The following SETX variants were observed in gnomAD, a reference collection of about 807,000 sequenced individuals.
SETX encodes senataxin.
Under a neutral mutation model 227.2 loss-of-function variants are expected in SETX, and 90 were observed. The ratio of observed to expected loss-of-function variants is 0.40; its 90% CI spans 0.33 to 0.47. SETX has a LOEUF of 0.47. Ranked by LOEUF, SETX falls within the 20% of genes least tolerant of loss-of-function variation. The pLI is 0.91. For missense variants in SETX, 3,052 were observed against 3,181.5 expected, an observed-to-expected ratio of 0.96 and a Z score of 0.98; for synonymous variants, 1,210 against 1,113.2, an observed-to-expected ratio of 1.09 and a Z score of -1.73.
intron 24 of SETX, 124 bp downstream of exon 24, chr9:132,271,586 T>A: frequency 1.2e-6 from 1 of 839,082 alleles, no homozygotes; most frequent in South Asian, 1.4e-5. Flanking sequence ...ATTACACAGG[T>A]TTTCACAAAA....
At chr9:132,271,683 A>AAAAGAGCAACAATGTATACAAGTAT in intron 24 of SETX, 27 bp downstream of exon 24, 1 of 1,563,442 alleles carries the variant, frequency 6.4e-7, no homozygotes, top group African/African-American at 1.3e-5. Flanking sequence ...ATACAAGTAT[A>AAAAGAGCAACAATGTATACAAGTAT]AAAGAGCAAC....
chr9:132,303,850 A>G (rs1427508691), intron 11 of SETX, among the ~76,000 whole-genome samples: 3 of 152,188 alleles, frequency 2.0e-5, no homozygotes, highest in African/African-American at 7.2e-5. Flanking sequence ...ACATGGGCGC[A>G]GTAGCTCACG....
intron 15 of SETX, among the ~76,000 whole-genome samples, chr9:132,292,211 G>C (rs1844362783): frequency 6.6e-6 from 1 of 152,056 alleles, no homozygotes; most frequent in African/African-American, 2.4e-5. Context: ...GGGAGGCTGA[G>C]GCAAGAGCAT....
At position 132,328,095 on chromosome 9, in the gene SETX, G is replaced by C; in HGVS notation, c.3503C>G (p.Pro1168Arg). ...KKPKRKRSEK[P>R]MAEDPVRPSS... is the part of the protein sequence containing the mutation. ...AGGCCTCACAGGATCTTCAGCCATTGGTTTTTCAGATCGTTTTCTCTTAGG... is the reference window on the plus strand; with the variant it reads ...AGGCCTCACAGGATCTTCAGCCATTCGTTTTTCAGATCGTTTTCTCTTAGG... Residue 1168 changes from proline to arginine, a missense_variant, in exon 10 of 26, where the codon CCA (proline) becomes CGA (arginine). This residue lies in a region of SETX where 1,483 missense variants were observed against 1,312.0 expected (regional missense o/e 1.13). Coordinates refer to ENST00000224140, the MANE Select transcript of SETX (RefSeq NM_015046.7). The C allele has an allele frequency of 6.2e-7, 1 of 1,613,994 alleles. No homozygotes were observed. The highest frequency in any genetic ancestry group is 8.5e-7 in the Non-Finnish European group (1 of 1,179,980).
At chr9:132,320,931 G>A (rs753953854) in intron 10 of SETX, among the ~76,000 whole-genome samples, 1 of 152,210 alleles carries the variant, frequency 6.6e-6, no homozygotes, top group Non-Finnish European at 1.5e-5. Flanking sequence ...GGAAGCAACA[G>A]CTCTCTCTAG....
intron 20 of SETX, among the ~76,000 whole-genome samples, chr9:132,280,663 T>C (rs1034715256): frequency 6.6e-6 from 1 of 152,208 alleles, no homozygotes; most frequent in Non-Finnish European, 1.5e-5. Flanking sequence ...TTGAAAATGA[T>C]CTGTTCTCTA....
At chr9:132,310,600 T>C (rs1317014805) in intron 11 of SETX, among the ~76,000 whole-genome samples, 1 of 152,238 alleles carries the variant, frequency 6.6e-6, no homozygotes, top group African/African-American at 2.4e-5. Context: ...CTAATAAAAA[T>C]GGCTCACTGT....
At position 132,330,179 on chromosome 9, in the gene SETX, T is replaced by A. The variant is rs201792518; in HGVS notation, c.1419A>T (p.Lys473Asn). ...VSVIELHRNK[K>N]CLHLLWVSSQ... The stretch of plus-strand genomic sequence containing the variant: ...AACTTACCCACAGCAAATGCAAACA[T>A]TTTTTATTTCTATGCAGTTCAATCA... Residue 473 changes from lysine (K) to asparagine (N), a missense_variant, in exon 10 of 26, where the codon AAA becomes AAT. Coordinates refer to ENST00000224140, the MANE Select transcript of SETX (RefSeq NM_015046.7). The A allele has an allele frequency of 3.1e-6, 5 of 1,592,260 alleles. No homozygotes were observed. The African/African-American group carries it at 6.7e-5, about 21-fold the overall frequency.
intron 18 of SETX, among the ~76,000 whole-genome samples, chr9:132,284,932 G>A (rs1415035140): frequency 6.6e-6 from 1 of 151,060 alleles, no homozygotes; most frequent in Non-Finnish European, 1.5e-5. Flanking sequence ...AGGCTGGAGT[G>A]CAGTGGCGCG....
intron 5 of SETX, among the ~76,000 whole-genome samples, chr9:132,339,612 G>A (rs575882191): frequency 6.6e-6 from 1 of 152,070 alleles, no homozygotes; most frequent in South Asian, 2.1e-4. Context: ...TTTCCATATA[G>A]TACAACTTTC....
At chr9:132,350,169 A>AG (rs1848529144) in intron 2 of SETX, among the ~76,000 whole-genome samples, 1 of 152,194 alleles carries the variant, frequency 6.6e-6, no homozygotes, top group Admixed American at 6.5e-5. Context: ...CCTGGCCAAC[A>AG]TGGTGAAACC....
rs571195687 is a variant in SETX at position 132,335,742 on chromosome 9, G to A, written c.718+554C>T. On this transcript the variant is annotated intron_variant, in intron 6 of 25. Coordinates refer to ENST00000224140, the MANE Select transcript of SETX (RefSeq NM_015046.7). ...AATATTTTGTTAATAAAATGTGGCC[G>A]TAAACAAGATTCGATTCATTTGCCA... 4.3e-4 allele frequency among the ~76,000 whole-genome samples: 65 copies of A among 152,220 alleles called. 1 individual carries two copies. Among genetic ancestry groups the A allele is most frequent in the Non-Finnish European group, 5.0e-4 (34 of 68,012 alleles).
At chr9:132,304,632 C>CAA (rs34179466) in intron 11 of SETX, among the ~76,000 whole-genome samples, 1,302 of 104,594 alleles carry the variant, frequency 0.012, 28 homozygotes, top group African/African-American at 0.039. Context: ...GACCCTGTTT[C>CAA]AAAAAAAAAA....
chr9:132,271,185 T>C (rs6597567), intron 24 of SETX, among the ~76,000 whole-genome samples: 27,579 of 152,124 alleles, frequency 0.18, 3,169 homozygotes, highest in East Asian at 0.42. Flanking sequence ...TGGGGAGTAA[T>C]ATGCCTCTGC....
rs753051382 is a variant in SETX at position 132,264,903 on chromosome 9, T to C, written c.7370A>G (p.His2457Arg). ...IIKTCDKNYRHDAVKILKLKP... is the reference protein window; with the variant it reads ...IIKTCDKNYRRDAVKILKLKP... ...GAGTTTCAGAATCTTCACTGCATCA[T>C]GTCTATAGTTTTTGTCACAGGTCTT... The change falls in exon 26 of 26, where the codon CAT becomes CGT. Residue 2457 changes from histidine to arginine, a missense_variant. His to Arg is a conservative substitution (Grantham distance 29). Transcript: ENST00000224140. 6.2e-7 allele frequency: 1 copy of C among 1,614,170 alleles called. No individual in the cohort carries two copies. Among genetic ancestry groups the C allele is most frequent in the Non-Finnish European group, 8.5e-7 (1 of 1,180,014 alleles).
chr9:132,288,221 G>C lies in SETX; in HGVS notation c.6324+15C>G, dbSNP rs780643989. The C allele has an allele frequency of 1.2e-6, 2 of 1,602,954 alleles. No homozygotes were observed. Among genetic ancestry groups the C allele is most frequent in the Admixed American group, 3.3e-5 (2 of 59,936 alleles). The stretch of plus-strand genomic sequence containing the variant: ...TTCGTATACCTGAGTTATTATTCAA[G>C]AAATGCAAAGATACCTGTATTTCCC... On this transcript the variant is annotated intron_variant, in intron 17 of 25. Coordinates refer to ENST00000224140, the MANE Select transcript of SETX (RefSeq NM_015046.7).
chr9:132,288,395 T>C, intron 16 of SETX, 44 bp from the exon 17 acceptor site: 3 of 1,502,572 alleles, frequency 2.0e-6, no homozygotes, highest in Non-Finnish European at 2.8e-6. Flanking sequence ...ATTCTAATTC[T>C]AACAAACTCA....
intron 10 of SETX, among the ~76,000 whole-genome samples, chr9:132,317,388 T>G (rs533192257): frequency 6.6e-6 from 1 of 152,366 alleles, no homozygotes; most frequent in East Asian, 1.9e-4. Context: ...TTTAATGAAC[T>G]GTATCACTGA....
chr9:132,275,002 T>G, intron 23 of SETX: 2 of 500,246 alleles, frequency 4.0e-6, no homozygotes, highest in East Asian at 6.7e-5. Flanking sequence ...AACTAAAAGG[T>G]AAAGACCTGG....
Sources: allele counts gnomAD v4.1 joint callset (sites outside exome capture counted in the v4.1 genomes callset), GRCh38; gene constraint gnomAD v4.1.1; regional missense constraint gnomAD v4.1.1; transcripts MANE v1.5; gene names NCBI Gene and HGNC (gene_info 2026-07-23, HGNC 2026-07-21).